Variants in VAPB observed in about 807,000 individuals in gnomAD.
The protein encoded by VAPB is VAMP associated protein B and C, also known as vesicle-associated membrane protein-associated protein B/C.
Under a neutral mutation model 25.6 loss-of-function variants are expected in VAPB, and 7 were observed. That is an observed-to-expected ratio of 0.27 (90% CI 0.16 to 0.51). The LOEUF is 0.51. Among genes scored for constraint, VAPB ranks in the 20% least tolerant of loss-of-function variants. VAPB has a pLI of 0.97. For missense variants in VAPB, 266 were observed against 301.3 expected (o/e 0.88, Z 0.87); for synonymous variants, 112 against 109.2 (o/e 1.03, Z -0.16).
intron 2 of VAPB, among the ~76,000 whole-genome samples, chr20:58,430,317 A>G (rs1047061616): frequency 2.0e-5 from 3 of 150,276 alleles, no homozygotes; most frequent in Admixed American, 2.0e-4. Flanking sequence ...TTGCCACTGC[A>G]CTCCAGCATG....
intron 2 of VAPB, among the ~76,000 whole-genome samples, chr20:58,433,081 C>G (rs1040483543): frequency 2.6e-5 from 4 of 152,154 alleles, no homozygotes; most frequent in Admixed American, 1.3e-4. Flanking sequence ...GTGAAGAGTG[C>G]TACTGCATCC....
chr20:58,424,604 G>C (rs1488318939), intron 2 of VAPB, among the ~76,000 whole-genome samples: 1 of 152,192 alleles, frequency 6.6e-6, no homozygotes, highest in African/African-American at 2.4e-5. Context: ...AAATGTTAGA[G>C]GAGATTGAAA....
chr20:58,441,682 C>T (rs371416584), intron 5 of VAPB, among the ~76,000 whole-genome samples: 5 of 152,274 alleles, frequency 3.3e-5, no homozygotes, highest in African/African-American at 1.2e-4. Flanking sequence ...TCAAACTCTC[C>T]ATTATTGTAA....
intron 1 of VAPB, among the ~76,000 whole-genome samples, chr20:58,390,798 A>G (rs1568694522): frequency 1.3e-5 from 2 of 152,128 alleles, no homozygotes; most frequent in African/African-American, 4.8e-5. Context: ...CAGTTGGCAA[A>G]TGGTACATTT....
rs371142467 is a variant in VAPB at position 58,411,901 on chromosome 20, G to C, written c.59-6310G>C. ...TCACCGTGTTAGCCAGGATGGTCTC[G>C]ATCTCCTGACGTTGTGATCCACCCG... On this transcript the variant is annotated intron_variant, in intron 1 of 5. Transcript: ENST00000475243. Among the ~76,000 whole-genome samples, 497 of 152,020 alleles carry C rather than the reference G, an allele frequency of 3.3e-3. 5 individuals carry two copies. Among genetic ancestry groups the C allele is most frequent in the African/African-American group, 0.011 (469 of 41,502 alleles).
intron 2 of VAPB, 47 bp downstream of exon 2, chr20:58,418,410 T>G (rs932276221): frequency 6.2e-7 from 1 of 1,600,392 alleles, no homozygotes; most frequent in African/African-American, 1.3e-5. Context: ...AGAAGGCCCC[T>G]GGACAGTAGG....
chr20:58,394,350 G>GAT lies in VAPB; in HGVS notation c.58+4837_58+4838dup, dbSNP rs137871924. The stretch of plus-strand genomic sequence containing the variant: ...AAGTTAAAAAATCTAAAGCCCTGTG[G>GAT]ATATAGTTCATTCAGTGCAGTAATT... On this transcript the variant is annotated intron_variant, in intron 1 of 5. Transcript: ENST00000475243. 8.3e-3 allele frequency among the ~76,000 whole-genome samples: 1,260 copies of GAT among 152,332 alleles called. 17 individuals carry two copies. The highest frequency in any genetic ancestry group is 0.029 in the African/African-American group (1,191 of 41,582).
At chr20:58,439,678 T>C (rs1989120417) in intron 4 of VAPB, 1 of 154,214 alleles carries the variant, frequency 6.5e-6, no homozygotes, top group Non-Finnish European at 1.4e-5. Context: ...TGGAGGGCAA[T>C]ATCAACCCCC....
intron 2 of VAPB, among the ~76,000 whole-genome samples, chr20:58,419,763 C>A (rs1803989069): frequency 6.6e-6 from 1 of 152,148 alleles, no homozygotes; most frequent in South Asian, 2.1e-4. Flanking sequence ...CAGCTGAAAT[C>A]TTTTGTTCCC....
chr20:58,428,716 A>G lies in VAPB; in HGVS notation c.212-5886A>G, dbSNP rs1988862325. Among the ~76,000 whole-genome samples, 3 of 152,364 alleles carry G rather than the reference A, an allele frequency of 2.0e-5. No individual in the cohort carries two copies. In the South Asian group the frequency reaches 6.2e-4, roughly 32 times the overall value. ...GTACATAATTTCTGTCACAATTTGC[A>G]CATATGGAGCTGAAAGAACTAATGA... On this transcript the variant is annotated intron_variant, in intron 2 of 5. Transcript: ENST00000475243.
chr20:58,440,452 A>G (rs1203243768), intron 4 of VAPB: 10 of 168,972 alleles, frequency 5.9e-5, no homozygotes, highest in Non-Finnish European at 1.1e-4. Context: ...CCTTCATCCC[A>G]GCTTCCAAAT....
chr20:58,412,776 A>G (rs1988413399), intron 1 of VAPB, among the ~76,000 whole-genome samples: 1 of 152,130 alleles, frequency 6.6e-6, no homozygotes, highest in African/African-American at 2.4e-5. Flanking sequence ...TTTTGTAAAG[A>G]TAGTATTTAC....
Position 58,447,900 on chromosome 20 carries a change from C to G in VAPB, c.*3665C>G, listed in dbSNP as rs544442383. ...ATAGGGGTCTTGGGCTTCCCAGTGTCACTTTGAACACCTGAATAACATTTA... is the reference window on the plus strand; with the variant it reads ...ATAGGGGTCTTGGGCTTCCCAGTGTGACTTTGAACACCTGAATAACATTTA... On this transcript the variant is annotated 3_prime_UTR_variant, in exon 6 of 6. Transcript: ENST00000475243. The G allele has an allele frequency of 4.4e-6, 2 of 453,550 alleles. No homozygotes were observed. Among genetic ancestry groups the G allele is most frequent in the Non-Finnish European group, 8.8e-6 (2 of 226,732 alleles). The allele number at this position is 453,550 out of a possible 1,614,324, so 28.1% of individuals were successfully genotyped here. A position where few individuals can be genotyped will look rare whatever the true frequency, so the allele number is the denominator to read the frequency against.
In VAPB at chr20:58,434,030, GA is replaced by G. The variant is rs1009145914; in HGVS notation, c.212-564del. Among the ~76,000 whole-genome samples the G allele has an allele frequency of 3.2e-4, 48 of 151,518 alleles. 1 individual carries two copies. Among genetic ancestry groups the G allele is most frequent in the Admixed American group, 3.0e-3 (45 of 15,218 alleles). On this transcript the variant is annotated intron_variant, in intron 2 of 5. Coordinates refer to ENST00000475243, the MANE Select transcript of VAPB (RefSeq NM_004738.5). ...TGTGAGATTTCTCTAGGTTCTTAGG[GA>G]AAAAAAAGGGGGAGTATAAGCTGAT... is the stretch of plus-strand genomic sequence containing the variant.
chr20:58,447,185 G>C lies in VAPB; in HGVS notation c.*2950G>C. Reference sequence around the variant, plus strand: ...TCACAAATGCAGAAGAGATGGAAGCGGTGACAGAATCCTGAAAGTTTTTAT... The same window carrying C: ...TCACAAATGCAGAAGAGATGGAAGCCGTGACAGAATCCTGAAAGTTTTTAT... On this transcript the variant is annotated 3_prime_UTR_variant, in exon 6 of 6. Transcript: ENST00000475243. 1 of 454,082 alleles carries C rather than the reference G, an allele frequency of 2.2e-6. No individual in the cohort carries two copies. Among genetic ancestry groups the C allele is most frequent in the Non-Finnish European group, 4.4e-6 (1 of 226,776 alleles). 28.1% of individuals were successfully genotyped at this position (454,082 alleles called of 1,614,324 possible).
intron 5 of VAPB, among the ~76,000 whole-genome samples, chr20:58,442,893 AAAAG>A (rs1271237499): frequency 6.6e-6 from 1 of 152,204 alleles, no homozygotes; most frequent in African/African-American, 2.4e-5. Context: ...GGAAACGAAG[AAAAG>A]AAAGTACAGC....
intron 5 of VAPB, among the ~76,000 whole-genome samples, chr20:58,443,241 A>G (rs2300759): frequency 0.1 from 15,466 of 152,172 alleles, 956 homozygotes; most frequent in East Asian, 0.26. Flanking sequence ...TGAGAAATCT[A>G]TGCATTAAGT....
intron 3 of VAPB, among the ~76,000 whole-genome samples, chr20:58,437,825 T>C (rs573503111): frequency 6.6e-6 from 1 of 152,308 alleles, no homozygotes; most frequent in South Asian, 2.1e-4. Context: ...TTTGTGGCAG[T>C]CCCCTAGGGT....
In VAPB at chr20:58,450,284, C is replaced by A. The variant is rs1357601340; in HGVS notation, c.*6049C>A. ...GAATTTATTGTCTGTGATATTGAGA[C>A]CATGTGTACAAGAACTACTTTTTGC... On this transcript the variant is annotated 3_prime_UTR_variant, in exon 6 of 6. Transcript: ENST00000475243. 1 of 453,440 alleles carries A rather than the reference C, an allele frequency of 2.2e-6. No individual in the cohort carries two copies. Among genetic ancestry groups the A allele is most frequent in the Non-Finnish European group, 4.4e-6 (1 of 226,456 alleles). The allele number at this position is 453,440 out of a possible 1,614,324, so 28.1% of individuals were successfully genotyped here.
Sources: allele counts gnomAD v4.1 joint callset (sites outside exome capture counted in the v4.1 genomes callset), GRCh38; gene constraint gnomAD v4.1.1; transcripts MANE v1.5; gene names NCBI Gene and HGNC (gene_info 2026-07-23, HGNC 2026-07-21).